TACC2: variants seen among roughly 807,000 people sequenced by gnomAD.
TACC2 encodes transforming acidic coiled-coil containing protein 2.
Under a neutral mutation model 227.3 loss-of-function variants are expected in TACC2, and 137 were observed. The ratio of observed to expected loss-of-function variants is 0.60; its 90% confidence interval spans 0.52 to 0.69. The LOEUF is 0.69. Ranked by LOEUF, TACC2 falls within the 30% of genes least tolerant of loss-of-function variation. TACC2 has a pLI of 0.00. For synonymous variants in TACC2, 1,523 were observed against 1,487.5 expected (o/e 1.02, Z -0.55); for missense variants, 3,470 against 3,694.4 (o/e 0.94, Z 1.57).
At chr10:122,214,141 C>T (rs184319125) in intron 9 of TACC2, among the ~76,000 whole-genome samples, 21 of 152,248 alleles carry the variant, frequency 1.4e-4, no homozygotes, top group African/African-American at 4.1e-4. Flanking sequence ...GAAGGGAAGC[C>T]GGCCAGTCCA....
chr10:122,040,051 T>C (rs2074056951), intron 2 of TACC2, among the ~76,000 whole-genome samples: 1 of 152,188 alleles, frequency 6.6e-6, no homozygotes, highest in Non-Finnish European at 1.5e-5. Flanking sequence ...CCTTTGGGAA[T>C]GGACTCACTT....
At chr10:122,037,792 G>A (rs1960877035) in intron 2 of TACC2, among the ~76,000 whole-genome samples, 1 of 152,192 alleles carries the variant, frequency 6.6e-6, no homozygotes, top group Non-Finnish European at 1.5e-5. Flanking sequence ...CAATGATCAA[G>A]GGGCAGAGCC....
At chr10:122,030,722 G>A (rs577483373) in intron 2 of TACC2, among the ~76,000 whole-genome samples, 36 of 151,416 alleles carry the variant, frequency 2.4e-4, no homozygotes, top group Admixed American at 8.5e-4. Flanking sequence ...ATGTCTGGCT[G>A]AGGTTGGAGA....
intron 3 of TACC2, among the ~76,000 whole-genome samples, chr10:122,071,518 CA>C (rs1304004875): frequency 1.3e-5 from 2 of 151,970 alleles, no homozygotes; most frequent in Non-Finnish European, 2.9e-5. Context: ...TCCCCATCCC[CA>C]CACTATGCTG....
At chr10:122,224,703 T>C (rs1203819382) in intron 11 of TACC2, 23 bp from the exon 12 acceptor site, 1 of 1,612,286 alleles carries the variant, frequency 6.2e-7, no homozygotes. Context: ...TTTTTGTGTT[T>C]GTGTTTGTTT....
At chr10:122,041,957 C>T (rs1488257307) in intron 2 of TACC2, among the ~76,000 whole-genome samples, 2 of 149,558 alleles carry the variant, frequency 1.3e-5, no homozygotes, top group African/African-American at 4.9e-5. Flanking sequence ...TTTTTCTTTT[C>T]TTTTTTGAGA....
intron 3 of TACC2, among the ~76,000 whole-genome samples, chr10:122,055,790 G>A (rs76521827): frequency 0.013 from 2,001 of 152,330 alleles, 38 homozygotes; most frequent in African/African-American, 0.046. Context: ...ATTACGATGA[G>A]CCAGTGGGTG....
intron 6 of TACC2, among the ~76,000 whole-genome samples, chr10:122,138,947 C>G (rs186478557): frequency 7.1e-4 from 108 of 152,282 alleles, no homozygotes; most frequent in African/African-American, 2.6e-3. Context: ...CCTTGTGTCT[C>G]CACCCCTGTA....
chr10:122,082,716 T>C lies in TACC2; in HGVS notation c.216T>C (p.Leu72=), dbSNP rs182633225. ...SESSASLDPC[L]VSPEVTEPRK... Reference sequence around the variant, plus strand: ...GTTCTGCCAGCCTGGATCCATGCCTTGTGTCCCCAGAGGTGACTGAGCCAA... The same window carrying C: ...GTTCTGCCAGCCTGGATCCATGCCTCGTGTCCCCAGAGGTGACTGAGCCAA... The change falls in exon 4 of 23, where the codon CTT becomes CTC. Residue 72 remains leucine (L), a synonymous_variant. Coordinates refer to ENST00000369005, the MANE Select transcript of TACC2 (RefSeq NM_206862.4). The C allele has an allele frequency of 2.1e-5, 34 of 1,614,072 alleles. No individual in the cohort carries two copies. The Admixed American group carries it at 4.8e-4, about 23-fold the overall frequency.
chr10:122,168,252 T>A (rs1174707819), intron 7 of TACC2, among the ~76,000 whole-genome samples: 1 of 152,178 alleles, frequency 6.6e-6, no homozygotes, highest in Non-Finnish European at 1.5e-5. Context: ...CTTGGCTAAA[T>A]GCTTTAGCTT....
chr10:122,046,355 T>A (rs2074999306), intron 2 of TACC2, among the ~76,000 whole-genome samples: 1 of 151,730 alleles, frequency 6.6e-6, no homozygotes. Flanking sequence ...GCGCCTGTAG[T>A]CCCAGCTGCT....
At chr10:122,032,268 G>A (rs1959077295) in intron 2 of TACC2, among the ~76,000 whole-genome samples, 1 of 152,084 alleles carries the variant, frequency 6.6e-6, no homozygotes, top group Non-Finnish European at 1.5e-5. Context: ...CCCCATCCCT[G>A]CTGTCACAAC....
At chr10:122,006,092 T>C (rs867690731) in intron 1 of TACC2, among the ~76,000 whole-genome samples, 117 of 152,302 alleles carry the variant, frequency 7.7e-4, no homozygotes, top group African/African-American at 2.6e-3. Flanking sequence ...TCATGAGTTG[T>C]TTTTTGTTTT....
chr10:122,210,304 C>T lies in TACC2; in HGVS notation c.5972-93C>T, dbSNP rs2095259679. ...TGGCCTGGGGCCGTGGTTTGTCAAC[C>T]CCTACGCTGGAGGGTGATGTTTTGG... On this transcript the variant is annotated intron_variant, in intron 8 of 22. Transcript: ENST00000369005. The surrounding 1 kb of genome is among the most constrained non-coding windows in gnomAD (Gnocchi z 4.6). The T allele has an allele frequency of 2.9e-6, 3 of 1,039,944 alleles. No homozygotes were observed. Among genetic ancestry groups the T allele is most frequent in the African/African-American group, 1.6e-5 (1 of 63,838 alleles). 64.4% of individuals were successfully genotyped at this position (1,039,944 alleles called of 1,614,324 possible). A position where few individuals can be genotyped will look rare whatever the true frequency, so the allele number is the denominator to read the frequency against.
chr10:122,210,912 G>A lies in TACC2; in HGVS notation c.6487G>A (p.Val2163Ile). 1 of 1,613,728 alleles carries A rather than the reference G, an allele frequency of 6.2e-7. No individual in the cohort carries two copies. Among genetic ancestry groups the A allele is most frequent in the Non-Finnish European group, 8.5e-7 (1 of 1,179,976 alleles). The change falls in exon 9 of 23, where the codon GTC becomes ATC. Residue 2163 changes from valine to isoleucine, a missense_variant. Physicochemically the swap from Val to Ile is conservative, Grantham distance 29 (BLOSUM62 3). Coordinates refer to ENST00000369005, the MANE Select transcript of TACC2 (RefSeq NM_206862.4). The surrounding 1 kb of genome is among the most constrained non-coding windows in gnomAD (Gnocchi z 4.6). ...TQQEPDEESL[V>I]PSGENLASET... ...ACAGGAGCCAGATGAAGAGAGCCTT[G>A]TCCCCAGTGGGGAGAATCTAGCATC...
chr10:122,242,443 C>T (rs1479340005), intron 19 of TACC2, among the ~76,000 whole-genome samples: 5 of 152,184 alleles, frequency 3.3e-5, no homozygotes, highest in Non-Finnish European at 2.9e-5. Context: ...TGGACCACGG[C>T]GTGATTGTCC....
intron 2 of TACC2, among the ~76,000 whole-genome samples, chr10:122,044,143 G>A (rs1382366244): frequency 6.6e-6 from 1 of 152,150 alleles, no homozygotes; most frequent in African/African-American, 2.4e-5. Context: ...CTCGGGCTTC[G>A]AAGCTTATTC....
intron 1 of TACC2, among the ~76,000 whole-genome samples, chr10:121,998,355 T>C (rs1188308620): frequency 6.6e-6 from 1 of 150,754 alleles, no homozygotes. Context: ...TTTGGGGGCC[T>C]GTACTCACCC....
At chr10:122,055,882 C>T (rs1388406406) in intron 3 of TACC2, among the ~76,000 whole-genome samples, 1 of 152,186 alleles carries the variant, frequency 6.6e-6, no homozygotes, top group African/African-American at 2.4e-5. Flanking sequence ...ATGCTGCTAA[C>T]CTTAGCTTCT....
Sources: allele counts gnomAD v4.1 joint callset (sites outside exome capture counted in the v4.1 genomes callset), GRCh38; gene constraint gnomAD v4.1.1; non-coding constraint Gnocchi (gnomAD v3.1); transcripts MANE v1.5; gene names NCBI Gene and HGNC (gene_info 2026-07-23, HGNC 2026-07-21).